EIF4G3: variants seen among roughly 807,000 people sequenced by gnomAD.
The protein encoded by EIF4G3 is eIF-4-gamma 3.
A neutral mutation model predicts 186.4 loss-of-function variants in EIF4G3; 34 were observed. The observed-to-expected ratio is 0.18, with a 90% CI of 0.14 to 0.24. The LOEUF (loss-of-function observed/expected upper bound fraction) is 0.24. EIF4G3 is among the 10% of genes least tolerant of loss of function. The probability of loss-of-function intolerance (pLI) is 1.00; values close to 1 mark genes in which losing one functional copy is unlikely to be tolerated. For synonymous variants in EIF4G3, 673 were observed against 679.5 expected, an observed-to-expected ratio of 0.99 and a Z score of 0.15; for missense variants, 1,536 against 1,948.5, an observed-to-expected ratio of 0.79 and a Z score of 3.99.
At chr1:21,086,001 T>C (rs1004348805) in intron 3 of EIF4G3, among the ~76,000 whole-genome samples, 21 of 151,966 alleles carry the variant, frequency 1.4e-4, no homozygotes, top group African/African-American at 5.1e-4. Flanking sequence ...CCAAAGGTTA[T>C]TTTTCAAAGT....
At chr1:20,990,944 T>C (rs528471472) in intron 7 of EIF4G3, among the ~76,000 whole-genome samples, 1 of 152,314 alleles carries the variant, frequency 6.6e-6, no homozygotes, top group African/African-American at 2.4e-5. Context: ...GATGAAAAAC[T>C]AACATCTGCA....
chr1:20,972,884 T>TAA (rs532240274), intron 11 of EIF4G3, 118 bp downstream of exon 11: 113 of 635,064 alleles, frequency 1.8e-4, no homozygotes, highest in Non-Finnish European at 2.1e-4. Context: ...AAGGGAAGAA[T>TAA]AAAAAAAAAA....
At chr1:21,077,572 TA>T (rs1263353137) in intron 3 of EIF4G3, among the ~76,000 whole-genome samples, 1 of 148,778 alleles carries the variant, frequency 6.7e-6, no homozygotes, top group East Asian at 2.0e-4. Flanking sequence ...AAGTGGCTAT[TA>T]TTAAAAATAC....
At chr1:21,147,444 G>A (rs1327701666) in intron 2 of EIF4G3, among the ~76,000 whole-genome samples, 2 of 151,236 alleles carry the variant, frequency 1.3e-5, no homozygotes, top group African/African-American at 2.4e-5. Context: ...GGGTTCAAGC[G>A]ATTCTCCTGC....
In EIF4G3 at chr1:21,159,520, T is replaced by A. The variant is rs1312641599; in HGVS notation, c.-272+16655A>T. On this transcript the variant is annotated intron_variant, in intron 2 of 36. Coordinates refer to ENST00000602326, the MANE Select transcript of EIF4G3 (RefSeq NM_001391906.1). ...GGGAGGCCGAAGCGGGCTGATCACC[T>A]GAGGTCAGGAGTTCGAGACAAGACT... 2.6e-5 allele frequency among the ~76,000 whole-genome samples: 4 copies of A among 151,584 alleles called. No individual in the cohort carries two copies. In the South Asian group the frequency reaches 8.3e-4, roughly 32 times the overall value.
chr1:21,016,473 C>T (rs2089094228), intron 4 of EIF4G3, among the ~76,000 whole-genome samples: 1 of 151,960 alleles, frequency 6.6e-6, no homozygotes, highest in Non-Finnish European at 1.5e-5. Context: ...ATTACTTGAG[C>T]CCAGGAATTG....
chr1:20,976,716 T>A (rs1211276578), intron 10 of EIF4G3, among the ~76,000 whole-genome samples: 2 of 152,096 alleles, frequency 1.3e-5, no homozygotes, highest in African/African-American at 2.4e-5. Context: ...CTAAAAAAAA[T>A]TCAAAACCTT....
chr1:21,004,090 G>A (rs1482818539), intron 4 of EIF4G3, among the ~76,000 whole-genome samples: 1 of 152,106 alleles, frequency 6.6e-6, no homozygotes, highest in African/African-American at 2.4e-5. Flanking sequence ...TATTGCTACG[G>A]TGTGCTTTCC....
intron 2 of EIF4G3, among the ~76,000 whole-genome samples, chr1:21,095,967 G>A (rs1440044487): frequency 6.6e-6 from 1 of 152,130 alleles, no homozygotes; most frequent in Non-Finnish European, 1.5e-5. Context: ...AGTTTCTAAT[G>A]CCCTCACATT....
intron 2 of EIF4G3, among the ~76,000 whole-genome samples, chr1:21,132,503 G>A (rs963387675): frequency 3.9e-5 from 6 of 152,020 alleles, no homozygotes; most frequent in Non-Finnish European, 7.4e-5. Context: ...GAGTGCAGTG[G>A]TGCTCACCAG....
intron 29 of EIF4G3, among the ~76,000 whole-genome samples, chr1:20,845,071 G>C (rs1159900964): frequency 6.6e-6 from 1 of 152,050 alleles, no homozygotes; most frequent in Non-Finnish European, 1.5e-5. Flanking sequence ...ATGGTATTGT[G>C]TAAGTTTTCT....
At chr1:21,073,529 A>G (rs1398815032) in intron 3 of EIF4G3, 3 of 360,786 alleles carry the variant, frequency 8.3e-6, no homozygotes, top group Non-Finnish European at 1.1e-5. Context: ...ATCCATGAAC[A>G]GCTGAATACA....
At chr1:20,955,842 T>C (rs2096398453) in intron 12 of EIF4G3, among the ~76,000 whole-genome samples, 1 of 151,970 alleles carries the variant, frequency 6.6e-6, no homozygotes, top group African/African-American at 2.4e-5. Context: ...GGAGGAGACA[T>C]AAGGTTTGGA....
At chr1:20,985,137 T>C (rs2079170232) in intron 7 of EIF4G3, among the ~76,000 whole-genome samples, 1 of 152,188 alleles carries the variant, frequency 6.6e-6, no homozygotes, top group Admixed American at 6.5e-5. Context: ...TTACAAACAC[T>C]GAAAGGATGT....
chr1:20,894,703 T>C (rs555023656), intron 17 of EIF4G3, among the ~76,000 whole-genome samples: 1 of 152,362 alleles, frequency 6.6e-6, no homozygotes, highest in South Asian at 2.1e-4. Context: ...TTTACATTTC[T>C]GTTCCTCTAC....
intron 6 of EIF4G3, among the ~76,000 whole-genome samples, chr1:20,998,447 T>C (rs942439571): frequency 6.6e-6 from 1 of 152,148 alleles, no homozygotes; most frequent in Non-Finnish European, 1.5e-5. Flanking sequence ...GTACCTATTG[T>C]TACCTAAGAA....
intron 14 of EIF4G3, among the ~76,000 whole-genome samples, chr1:20,918,450 C>T (rs2094148474): frequency 6.6e-6 from 1 of 152,072 alleles, no homozygotes; most frequent in South Asian, 2.1e-4. Flanking sequence ...TCAAGCAATC[C>T]TTCCGTCATA....
At chr1:20,893,054 T>C in intron 18 of EIF4G3, 1 of 246,780 alleles carries the variant, frequency 4.1e-6, no homozygotes, top group Non-Finnish European at 7.7e-6. Context: ...ACTAGGACTA[T>C]AAGCATGCGC....
intron 33 of EIF4G3, among the ~76,000 whole-genome samples, chr1:20,822,356 T>C (rs1262381653): frequency 7.0e-5 from 1 of 14,274 alleles, no homozygotes; most frequent in African/African-American, 1.4e-4. Flanking sequence ...AAGAACCAGC[T>C]TTTTTTTTTT....
Sources: allele counts gnomAD v4.1 joint callset (sites outside exome capture counted in the v4.1 genomes callset), GRCh38; gene constraint gnomAD v4.1.1; transcripts MANE v1.5; gene names NCBI Gene and HGNC (gene_info 2026-07-23, HGNC 2026-07-21).